Variants in POMT2 observed in about 807,000 individuals in gnomAD.
The protein encoded by POMT2 is protein O-mannosyl-transferase 2.
A neutral mutation model predicts 100.0 loss-of-function variants in POMT2; 75 were observed. The ratio of observed to expected loss-of-function variants is 0.75; its 90% CI spans 0.62 to 0.91. The LOEUF is 0.91. Among genes scored for constraint, POMT2 ranks in the 40% least tolerant of loss-of-function variants. The probability of loss-of-function intolerance (pLI) is 0.00; values close to 1 mark genes in which losing one functional copy is unlikely to be tolerated. For synonymous variants in POMT2, 378 were observed against 374.1 expected (o/e 1.01, Z -0.12); for missense variants, 940 against 955.1 (o/e 0.98, Z 0.21).
chr14:77,313,862 C>T (rs1891530218), intron 1 of POMT2, among the ~76,000 whole-genome samples: 1 of 152,124 alleles, frequency 6.6e-6, no homozygotes, highest in African/African-American at 2.4e-5. Flanking sequence ...CGGCCGCCAC[C>T]ACACCTGGCT....
intron 14 of POMT2, chr14:77,284,144 G>A: frequency 2.1e-6 from 1 of 467,790 alleles, no homozygotes; most frequent in Non-Finnish European, 3.9e-6. Flanking sequence ...GCTTTTCACT[G>A]TGGTACTGGC....
intron 11 of POMT2, 65 bp from the exon 12 acceptor site, chr14:77,286,887 T>G (rs1226886603): frequency 1.9e-6 from 3 of 1,611,686 alleles, no homozygotes; most frequent in Non-Finnish European, 2.5e-6. Flanking sequence ...TTTCTTCTTT[T>G]ACCAAGGATG....
At chr14:77,308,972 T>A (rs1891339490) in intron 2 of POMT2, among the ~76,000 whole-genome samples, 1 of 152,132 alleles carries the variant, frequency 6.6e-6, no homozygotes, top group Non-Finnish European at 1.5e-5. Flanking sequence ...TTACGGCACA[T>A]CTACATAATA....
chr14:77,286,936 G>A, intron 11 of POMT2, 114 bp from the exon 12 acceptor site: 2 of 1,554,240 alleles, frequency 1.3e-6, no homozygotes, highest in Non-Finnish European at 1.7e-6. Flanking sequence ...ATTAGAATCT[G>A]AACTATTAAA....
chr14:77,289,114 G>T (rs1348290990), intron 10 of POMT2, among the ~76,000 whole-genome samples: 1 of 151,880 alleles, frequency 6.6e-6, no homozygotes, highest in Non-Finnish European at 1.5e-5. Flanking sequence ...CTTCTGGCCG[G>T]GCACAGTGGC....
intron 6 of POMT2, 135 bp from the exon 7 acceptor site, chr14:77,299,696 A>C: frequency 1.4e-6 from 1 of 690,606 alleles, no homozygotes; most frequent in Non-Finnish European, 2.6e-6. Flanking sequence ...AGAGAAGAAT[A>C]TGTGGAAACC....
At chr14:77,288,667 G>C (rs1011986027) in intron 11 of POMT2, 95 bp downstream of exon 11, 1 of 1,051,100 alleles carries the variant, frequency 9.5e-7, no homozygotes. Flanking sequence ...ATTGACCAGA[G>C]CCTCATCAAA....
intron 1 of POMT2, chr14:77,312,651 C>CAAAAAAAAAAAAAAAAAAA (rs55971596): frequency 6.2e-5 from 9 of 144,298 alleles, no homozygotes; most frequent in African/African-American, 2.3e-4. Flanking sequence ...GACTCCGTCT[C>CAAAAAAAAAAAAAAAAAAA]AAAAAAAAAA....
chr14:77,299,244 T>C (rs781752215), intron 7 of POMT2, among the ~76,000 whole-genome samples: 3 of 152,168 alleles, frequency 2.0e-5, no homozygotes, highest in Non-Finnish European at 2.9e-5. Flanking sequence ...ATAACGAAAA[T>C]AGCTTCTTCC....
intron 18 of POMT2, chr14:77,279,096 G>C: frequency 1.6e-6 from 1 of 628,854 alleles, no homozygotes; most frequent in East Asian, 2.9e-5. Context: ...GGTGCACCAA[G>C]CACCAGCAGG....
chr14:77,315,567 T>C (rs1891593995), intron 1 of POMT2, among the ~76,000 whole-genome samples: 1 of 152,220 alleles, frequency 6.6e-6, no homozygotes, highest in Admixed American at 6.5e-5. Flanking sequence ...CAGTGCTGAA[T>C]GTATAGCTGA....
Position 77,301,157 on chromosome 14 carries a change from A to G in POMT2, c.749T>C (p.Ile250Thr). ...LGVKFVGLFIILQVGLNTIAD... is the reference protein window; with the variant it reads ...LGVKFVGLFITLQVGLNTIAD... ...AATGGTGTTCAGCCCCACTTGAAGG[A>G]TGATAAAGAGGCCAACAAACTTGAC... Residue 250 changes from isoleucine to threonine, a missense_variant, in exon 6 of 21, where the codon ATC becomes ACC. Coordinates refer to ENST00000261534, the MANE Select transcript of POMT2 (RefSeq NM_013382.7). The G allele has an allele frequency of 3.1e-6, 5 of 1,614,232 alleles. No homozygotes were observed. Among genetic ancestry groups the G allele is most frequent in the Non-Finnish European group, 4.2e-6 (5 of 1,180,048 alleles).
chr14:77,306,221 C>A, intron 3 of POMT2, 116 bp downstream of exon 3: 1 of 1,530,922 alleles, frequency 6.5e-7, no homozygotes. Flanking sequence ...CCTCTCCTCA[C>A]CACCCAAAGT....
In POMT2 at chr14:77,277,365, T is replaced by C. The variant is rs373236103; in HGVS notation, c.*11A>G. On this transcript the variant is annotated 3_prime_UTR_variant, in exon 21 of 21. Transcript: ENST00000261534. ...AGTTCCTGGACCCAGGCTGGAATCT[T>C]TGCAGTGGCCTCAAAAGTCCCATGA... The C allele has an allele frequency of 6.8e-5, 108 of 1,599,570 alleles. 1 individual carries two copies. Among genetic ancestry groups the C allele is most frequent in the Non-Finnish European group, 9.2e-5 (107 of 1,167,062 alleles).
chr14:77,294,471 G>A (rs1157438595), intron 9 of POMT2, among the ~76,000 whole-genome samples: 1 of 152,200 alleles, frequency 6.6e-6, no homozygotes, highest in Non-Finnish European at 1.5e-5. Context: ...ACTGGCACGT[G>A]CCATCAAGCC....
chr14:77,312,305 C>T, intron 1 of POMT2: 1 of 341,188 alleles, frequency 2.9e-6, no homozygotes, highest in African/African-American at 2.2e-5. Context: ...TACTCTGTAT[C>T]TTGAGTTTCT....
At chr14:77,288,730 C>T in intron 11 of POMT2, 32 bp downstream of exon 11, 1 of 1,585,880 alleles carries the variant, frequency 6.3e-7, no homozygotes, top group Non-Finnish European at 8.7e-7. Context: ...GTGCCCGTAC[C>T]ATTTATTTAT....
At chr14:77,289,316 G>A (rs1414459708) in intron 10 of POMT2, among the ~76,000 whole-genome samples, 5 of 152,012 alleles carry the variant, frequency 3.3e-5, no homozygotes, top group South Asian at 2.1e-4. Flanking sequence ...GCTTGAACCC[G>A]GGAGGCGGAG....
intron 6 of POMT2, 171 bp from the exon 7 acceptor site, chr14:77,299,732 C>T (rs1890953523): frequency 1.6e-6 from 1 of 611,862 alleles, no homozygotes; most frequent in Non-Finnish European, 3.0e-6. Flanking sequence ...ACACCCACCA[C>T]CCAAGCACTA....
Sources: gnomAD v4.1 joint callset for allele counts (sites outside exome capture counted in the v4.1 genomes callset) on GRCh38, gnomAD v4.1.1 for gene constraint, MANE v1.5 for transcripts, NCBI Gene and HGNC (gene_info 2026-07-23, HGNC 2026-07-21) for gene names.